Variants in ATP9B observed in about 807,000 individuals in gnomAD.
The protein encoded by ATP9B is probable phospholipid-transporting ATPase IIB.
In ATP9B, 110 loss-of-function variants were observed where a neutral mutation model predicts 146.1. The ratio of observed to expected loss-of-function variants is 0.75; its 90% CI spans 0.65 to 0.88. The LOEUF is 0.88. Among genes scored for constraint, ATP9B ranks in the 40% least tolerant of loss-of-function variants. ATP9B has a pLI of 0.00. For synonymous variants in ATP9B, 604 were observed against 569.7 expected (o/e 1.06, Z -0.86); for missense variants, 1,499 against 1,496.4 (o/e 1.00, Z -0.03).
At chr18:79,153,472 T>C (rs1323814336) in intron 6 of ATP9B, among the ~76,000 whole-genome samples, 2 of 152,156 alleles carry the variant, frequency 1.3e-5, no homozygotes, top group Non-Finnish European at 2.9e-5. Flanking sequence ...ATTAAGTGTT[T>C]TGTGTATGAT....
At chr18:79,084,457 A>G (rs975272973) in intron 1 of ATP9B, among the ~76,000 whole-genome samples, 9 of 152,178 alleles carry the variant, frequency 5.9e-5, no homozygotes, top group South Asian at 2.1e-4. Flanking sequence ...GAAATATTAG[A>G]ACATGACAAT....
intron 8 of ATP9B, among the ~76,000 whole-genome samples, chr18:79,189,937 G>A (rs952366887): frequency 3.9e-5 from 6 of 152,176 alleles, no homozygotes; most frequent in Non-Finnish European, 7.3e-5. Flanking sequence ...CACCATGAGC[G>A]AGCACTCGGA....
At chr18:79,152,132 T>C (rs2094699983) in intron 6 of ATP9B, among the ~76,000 whole-genome samples, 1 of 152,142 alleles carries the variant, frequency 6.6e-6, no homozygotes, top group Non-Finnish European at 1.5e-5. Context: ...AGACACCATC[T>C]CACGCCAGTT....
chr18:79,179,801 C>T (rs1001124891), intron 8 of ATP9B, among the ~76,000 whole-genome samples: 5 of 152,164 alleles, frequency 3.3e-5, no homozygotes, highest in African/African-American at 7.2e-5. Flanking sequence ...TTCATTAGGT[C>T]AAGCTAATGG....
At position 79,096,604 on chromosome 18, in the gene ATP9B, G is replaced by T. The variant is rs761140106; in HGVS notation, c.248G>T (p.Gly83Val). The change falls in exon 2 of 30, where the codon GGA becomes GTA. Residue 83 changes from glycine to valine, a missense_variant. Coordinates refer to ENST00000426216, the MANE Select transcript of ATP9B (RefSeq NM_198531.5). ...GCCAGGATAATGCAAAGGAAAAGAG[G>T]ACTGGAGTGGTTTGTCTGTGATGGC... ...PRARIMQRKR[G>V]LEWFVCDGWK... 1.5e-5 allele frequency: 25 copies of T among 1,614,030 alleles called. No homozygotes were observed. Among genetic ancestry groups the T allele is most frequent in the Non-Finnish European group, 2.1e-5 (25 of 1,179,970 alleles).
chr18:79,242,434 T>C (rs1202961297), intron 11 of ATP9B, among the ~76,000 whole-genome samples: 1 of 152,222 alleles, frequency 6.6e-6, no homozygotes, highest in Non-Finnish European at 1.5e-5. Flanking sequence ...GTTTACAAAA[T>C]GAAGCCAGCT....
chr18:79,198,491 A>G lies in ATP9B; in HGVS notation c.954+5228A>G, dbSNP rs73974506. Among the ~76,000 whole-genome samples, 631 of 152,324 alleles carry G rather than the reference A, an allele frequency of 4.1e-3. 8 individuals are homozygous for G. The highest frequency in any genetic ancestry group is 0.014 in the African/African-American group (567 of 41,570). ...ACGGTCATGAGTTGCTTAATAGTAG[A>G]GTTACATTCTGAGAAGTAAGTTAGA... On this transcript the variant is annotated intron_variant, in intron 9 of 29. Coordinates refer to ENST00000426216, the MANE Select transcript of ATP9B (RefSeq NM_198531.5).
At chr18:79,281,535 C>T (rs953586447) in intron 13 of ATP9B, among the ~76,000 whole-genome samples, 21 of 151,236 alleles carry the variant, frequency 1.4e-4, no homozygotes, top group African/African-American at 4.9e-4. Context: ...ACACATACTA[C>T]AAAAGAGAAG....
chr18:79,355,275 A>G (rs1270248312), intron 25 of ATP9B, among the ~76,000 whole-genome samples: 2 of 152,222 alleles, frequency 1.3e-5, no homozygotes, highest in Non-Finnish European at 1.5e-5. Context: ...TTCAAGGTGA[A>G]TGGAAAAAAG....
At chr18:79,223,878 G>A (rs187091394) in intron 11 of ATP9B, among the ~76,000 whole-genome samples, 2 of 152,284 alleles carry the variant, frequency 1.3e-5, no homozygotes, top group African/African-American at 4.8e-5. Context: ...AGAGTGTATA[G>A]CAAATATCTA....
intron 26 of ATP9B, among the ~76,000 whole-genome samples, chr18:79,368,498 T>C (rs1372567962): frequency 6.6e-6 from 1 of 152,230 alleles, no homozygotes; most frequent in Non-Finnish European, 1.5e-5. Flanking sequence ...GCGAGCACTC[T>C]GTGGCAGCAA....
chr18:79,284,013 T>C (rs1184264318), intron 13 of ATP9B, among the ~76,000 whole-genome samples: 1 of 152,052 alleles, frequency 6.6e-6, no homozygotes, highest in Non-Finnish European at 1.5e-5. Context: ...AAACAACAGG[T>C]TTTTTAGGAC....
At chr18:79,336,775 C>T in intron 18 of ATP9B, 64 bp downstream of exon 18, 4 of 1,510,264 alleles carry the variant, frequency 2.6e-6, no homozygotes, top group Non-Finnish European at 3.6e-6. Flanking sequence ...GAAATTAGTT[C>T]TTCCTGTCTT....
intron 11 of ATP9B, among the ~76,000 whole-genome samples, chr18:79,242,689 C>T (rs1179805668): frequency 6.6e-6 from 1 of 152,206 alleles, no homozygotes; most frequent in African/African-American, 2.4e-5. Context: ...GAAATTAATA[C>T]AGACCTTTTC....
chr18:79,211,496 A>G (rs978780459), intron 10 of ATP9B, among the ~76,000 whole-genome samples: 1 of 152,230 alleles, frequency 6.6e-6, no homozygotes, highest in African/African-American at 2.4e-5. Context: ...GGCCCTAGTC[A>G]TGGGGTCTGT....
intron 11 of ATP9B, among the ~76,000 whole-genome samples, chr18:79,242,133 TA>T (rs1179611738): frequency 1.3e-5 from 2 of 152,250 alleles, no homozygotes; most frequent in East Asian, 3.9e-4. Context: ...ATTAATTCGC[TA>T]AATCCAAGCG....
At position 79,373,949 on chromosome 18, in the gene ATP9B, A is replaced by G. The variant is rs1600498532; in HGVS notation, c.3122A>G (p.His1041Arg). Residue 1041 changes from histidine to arginine, a missense_variant, in exon 28 of 30, where the codon CAC becomes CGC. Physicochemically the swap from His to Arg is conservative, Grantham distance 29. Coordinates refer to ENST00000426216, the MANE Select transcript of ATP9B (RefSeq NM_198531.5). The part of the protein sequence containing the change: ...ALVLFESEFV[H>R]VVAISFTALI... ...GTGCTCTTCGAGTCTGAGTTCGTCC[A>G]CGTGGTGGCCATCTCCTTCACCGCA... 1.9e-6 allele frequency: 3 copies of G among 1,613,776 alleles called. No individual in the cohort carries two copies. Among genetic ancestry groups the G allele is most frequent in the East Asian group, 4.5e-5 (2 of 44,870 alleles).
intron 4 of ATP9B, among the ~76,000 whole-genome samples, chr18:79,122,503 G>A (rs1347993916): frequency 6.6e-6 from 1 of 152,082 alleles, no homozygotes; most frequent in Non-Finnish European, 1.5e-5. Flanking sequence ...TTGAATCAAG[G>A]AAATATAGCA....
At chr18:79,343,845 A>G (rs1201276604) in intron 20 of ATP9B, 1 of 265,226 alleles carries the variant, frequency 3.8e-6, no homozygotes, top group Non-Finnish European at 7.2e-6. Flanking sequence ...GCTCTGTTAA[A>G]TAATCACCTC....
Sources: gnomAD v4.1 joint callset for allele counts (sites outside exome capture counted in the v4.1 genomes callset) on GRCh38, gnomAD v4.1.1 for gene constraint, MANE v1.5 for transcripts, NCBI Gene and HGNC (gene_info 2026-07-23, HGNC 2026-07-21) for gene names.